NBEA: variants seen among roughly 807,000 people sequenced by gnomAD.
The protein encoded by NBEA is lysosomal-trafficking regulator 2.
In NBEA, 44 loss-of-function variants were observed where a neutral mutation model predicts 343.4. The observed-to-expected ratio is 0.13, with a 90% confidence interval of 0.10 to 0.16. The LOEUF is 0.16. Among genes scored for constraint, NBEA ranks in the 10% least tolerant of loss-of-function variants. The probability of loss-of-function intolerance (pLI) is 1.00; values close to 1 mark genes in which losing one functional copy is unlikely to be tolerated. For synonymous variants in NBEA, 1,175 were observed against 1,238.7 expected (o/e 0.95, Z 1.08); for missense variants, 2,555 against 3,631.3 (o/e 0.70, Z 7.62).
chr13:35,484,477 G>A (rs923034892), intron 41 of NBEA, among the ~76,000 whole-genome samples: 20 of 151,464 alleles, frequency 1.3e-4, no homozygotes, highest in Admixed American at 4.0e-4. Flanking sequence ...TGCTCTCCAC[G>A]CTGCATTAGC....
At chr13:35,224,247 C>A (rs761516494) in intron 33 of NBEA, among the ~76,000 whole-genome samples, 1 of 152,118 alleles carries the variant, frequency 6.6e-6, no homozygotes, top group Non-Finnish European at 1.5e-5. Flanking sequence ...CTTAATTTCA[C>A]TTGCAAAATT....
chr13:35,419,292 C>T (rs2044133065), intron 38 of NBEA, among the ~76,000 whole-genome samples: 1 of 152,100 alleles, frequency 6.6e-6, no homozygotes, highest in East Asian at 1.9e-4. Flanking sequence ...GAGGGCCCCA[C>T]CTCCTGGTTC....
intron 41 of NBEA, among the ~76,000 whole-genome samples, chr13:35,540,983 G>A (rs1451767170): frequency 1.3e-5 from 2 of 152,132 alleles, no homozygotes; most frequent in Non-Finnish European, 2.9e-5. Context: ...TTTCTAAAGT[G>A]CCAGTTTCAT....
chr13:35,571,111 C>T (rs1226363033), intron 45 of NBEA, among the ~76,000 whole-genome samples: 4 of 152,158 alleles, frequency 2.6e-5, no homozygotes, highest in Non-Finnish European at 5.9e-5. Flanking sequence ...TAATTCTTAG[C>T]AGTGAATAAT....
intron 36 of NBEA, among the ~76,000 whole-genome samples, chr13:35,341,388 G>T (rs1387872233): frequency 6.6e-6 from 1 of 151,990 alleles, no homozygotes; most frequent in Admixed American, 6.6e-5. Flanking sequence ...AAAAAAAGTA[G>T]ATTGATAGTC....
rs377446036 is a variant in NBEA at position 35,502,713 on chromosome 13, C to G, written c.6585+30177C>G. ...TCTATACAACAGAAATTGGTAAACCCTGCAAATTCTCCTCCCCTCCCTGCA... is the reference window on the plus strand; with the variant it reads ...TCTATACAACAGAAATTGGTAAACCGTGCAAATTCTCCTCCCCTCCCTGCA... On this transcript the variant is annotated intron_variant, in intron 41 of 58. Coordinates refer to ENST00000379939, the MANE Select transcript of NBEA (RefSeq NM_001385012.1). 1.5e-4 allele frequency among the ~76,000 whole-genome samples: 23 copies of G among 152,102 alleles called. No individual in the cohort carries two copies. In the East Asian group the frequency reaches 3.5e-3, roughly 23 times the overall value.
intron 41 of NBEA, among the ~76,000 whole-genome samples, chr13:35,509,257 G>A (rs1285754766): frequency 1.3e-5 from 2 of 152,122 alleles, no homozygotes; most frequent in African/African-American, 4.8e-5. Context: ...TCGATACACC[G>A]CCACAACAGG....
chr13:35,264,048 A>C (rs555005850), intron 34 of NBEA, among the ~76,000 whole-genome samples: 1 of 152,004 alleles, frequency 6.6e-6, no homozygotes, highest in South Asian at 2.1e-4. Flanking sequence ...GAGAAGACTC[A>C]AATAAAATCA....
chr13:35,155,339 T>C (rs2069094317), intron 18 of NBEA, among the ~76,000 whole-genome samples: 1 of 151,958 alleles, frequency 6.6e-6, no homozygotes, highest in Admixed American at 6.6e-5. Context: ...AAAGTCTCTT[T>C]AGGGCTGGGC....
intron 22 of NBEA, among the ~76,000 whole-genome samples, chr13:35,160,375 T>A (rs1478681025): frequency 1.3e-5 from 2 of 152,164 alleles, no homozygotes. Context: ...ACACATTTTG[T>A]ACTCAAGATC....
intron 1 of NBEA, among the ~76,000 whole-genome samples, chr13:34,947,711 G>A (rs1283011424): frequency 6.6e-6 from 1 of 152,148 alleles, no homozygotes; most frequent in Non-Finnish European, 1.5e-5. Flanking sequence ...CCTTGGATAA[G>A]TTAAGTGCGT....
intron 47 of NBEA, among the ~76,000 whole-genome samples, chr13:35,600,357 A>G (rs1159914188): frequency 6.6e-6 from 1 of 152,192 alleles, no homozygotes; most frequent in Non-Finnish European, 1.5e-5. Flanking sequence ...TGCCTCACAT[A>G]ACTCAGACTG....
intron 29 of NBEA, 133 bp downstream of exon 29, chr13:35,182,661 A>G (rs2071397384): frequency 1.2e-6 from 1 of 831,234 alleles, no homozygotes; most frequent in Admixed American, 3.6e-5. Flanking sequence ...TAGAAATGCT[A>G]ATTTAGTATT....
intron 34 of NBEA, among the ~76,000 whole-genome samples, chr13:35,252,757 G>C (rs1276096266): frequency 6.6e-6 from 1 of 152,142 alleles, no homozygotes; most frequent in African/African-American, 2.4e-5. Context: ...CCTAAGAGTG[G>C]TTCTCTCTAA....
chr13:35,649,830 G>C lies in NBEA; in HGVS notation c.7946G>C (p.Arg2649Thr). The C allele has an allele frequency of 6.2e-7, 1 of 1,613,968 alleles. No homozygotes were observed. Among genetic ancestry groups the C allele is most frequent in the Non-Finnish European group, 8.5e-7 (1 of 1,179,888 alleles). The change falls in exon 52 of 59, where the codon AGA becomes ACA. Residue 2649 changes from arginine (R) to threonine (T), a missense_variant. By Grantham distance (71) the Arg-to-Thr change is moderately conservative. This residue lies in a region of NBEA where 61 missense variants were observed against 132.1 expected (regional missense o/e 0.46). Coordinates refer to ENST00000379939, the MANE Select transcript of NBEA (RefSeq NM_001385012.1). Reference sequence around the variant, plus strand: ...TGCAGCCGACTCTTTGCAGTGAATAGATGGCACAACACAGTAGGTATGTGT... The same window carrying C: ...TGCAGCCGACTCTTTGCAGTGAATACATGGCACAACACAGTAGGTATGTGT... ...VTCSRLFAVN[R>T]WHNTVGLRGA...
At chr13:35,639,856 T>A (rs1255889622) in intron 49 of NBEA, among the ~76,000 whole-genome samples, 1 of 151,600 alleles carries the variant, frequency 6.6e-6, no homozygotes, top group Admixed American at 6.6e-5. Context: ...GATGAATAGG[T>A]CATTTGAGAG....
At chr13:35,249,077 A>G (rs2031617357) in intron 34 of NBEA, among the ~76,000 whole-genome samples, 1 of 142,144 alleles carries the variant, frequency 7.0e-6, no homozygotes. Context: ...TGAACCTGGG[A>G]GGCGGAGGTT....
chr13:35,258,500 T>C (rs951930867), intron 34 of NBEA, among the ~76,000 whole-genome samples: 3 of 150,868 alleles, frequency 2.0e-5, no homozygotes, highest in Admixed American at 1.3e-4. Context: ...ATTTTTATGA[T>C]CCTTAAAAAC....
chr13:35,240,344 A>G (rs936585891), intron 34 of NBEA, among the ~76,000 whole-genome samples: 1 of 151,910 alleles, frequency 6.6e-6, no homozygotes, highest in Admixed American at 6.6e-5. Context: ...GAGTTAGATT[A>G]TCGTTTAGCA....
Sources: gnomAD v4.1 joint callset for allele counts (sites outside exome capture counted in the v4.1 genomes callset) on GRCh38, gnomAD v4.1.1 for gene constraint, gnomAD v4.1.1 regional missense constraint, MANE v1.5 for transcripts, NCBI Gene and HGNC (gene_info 2026-07-23, HGNC 2026-07-21) for gene names.